Variants in DPP6 observed in about 807,000 individuals in gnomAD.
DPP6 encodes A-type potassium channel modulatory protein DPP6.
A neutral mutation model predicts 122.6 loss-of-function variants in DPP6; 69 were observed. The observed-to-expected ratio is 0.56, with a 90% confidence interval of 0.46 to 0.69. The LOEUF (loss-of-function observed/expected upper bound fraction) is 0.69. DPP6 is among the 30% of genes least tolerant of loss of function. The pLI, the probability that DPP6 is intolerant of heterozygous loss-of-function variation, is 0.00. For missense variants in DPP6, 928 were observed against 1,116.9 expected (o/e 0.83, Z 2.41); for synonymous variants, 418 against 433.1 (o/e 0.97, Z 0.43).
chr7:154,352,355 C>G (rs1391393303), intron 1 of DPP6, among the ~76,000 whole-genome samples: 2 of 151,866 alleles, frequency 1.3e-5, no homozygotes, highest in African/African-American at 4.8e-5. Context: ...CCCAGCTACT[C>G]AGGAGGCTGA....
chr7:154,667,406 C>G lies in DPP6; in HGVS notation c.681-1954C>G, dbSNP rs561963729. Among the ~76,000 whole-genome samples, 231 of 152,256 alleles carry G rather than the reference C, an allele frequency of 1.5e-3. 1 individual carries two copies. Among genetic ancestry groups the G allele is most frequent in the African/African-American group, 5.3e-3 (219 of 41,544 alleles). On this transcript the variant is annotated intron_variant, in intron 6 of 25. Transcript: ENST00000377770. The stretch of plus-strand genomic sequence containing the variant: ...AGGGTTCAAGAGGAATTAACCTATG[C>G]TTATGAGAATACTTTGAAACATCAT...
intron 10 of DPP6, among the ~76,000 whole-genome samples, chr7:154,786,018 T>A (rs1465696228): frequency 6.6e-6 from 1 of 152,122 alleles, no homozygotes; most frequent in Non-Finnish European, 1.5e-5. Context: ...GGACTACTTT[T>A]TCCAACCTCT....
chr7:153,889,465 A>T (rs1799092884), intron 1 of DPP6, among the ~76,000 whole-genome samples: 1 of 152,202 alleles, frequency 6.6e-6, no homozygotes, highest in Non-Finnish European at 1.5e-5. Flanking sequence ...GAGGTTAATT[A>T]TACTGATAAG....
chr7:154,456,211 A>G (rs1256861657), intron 2 of DPP6, among the ~76,000 whole-genome samples: 9 of 152,210 alleles, frequency 5.9e-5, no homozygotes, highest in Non-Finnish European at 5.9e-5. Context: ...AATTCTCTGA[A>G]CTCTTCACCT....
chr7:154,678,808 G>A (rs545396815), intron 7 of DPP6, among the ~76,000 whole-genome samples: 32 of 152,338 alleles, frequency 2.1e-4, no homozygotes, highest in African/African-American at 6.3e-4. Context: ...GCGTGACCTT[G>A]ACTGAGAGAC....
chr7:154,278,363 G>A (rs78207729), intron 1 of DPP6, among the ~76,000 whole-genome samples: 1,988 of 152,236 alleles, frequency 0.013, 52 homozygotes, highest in African/African-American at 0.045. Context: ...ACATGCCCTC[G>A]TGGAAGACTT....
intron 2 of DPP6, among the ~76,000 whole-genome samples, chr7:154,467,053 A>G (rs1356234837): frequency 6.6e-6 from 1 of 152,200 alleles, no homozygotes; most frequent in Non-Finnish European, 1.5e-5. Flanking sequence ...TGACAGTTAT[A>G]GACATTCTTG....
Position 154,698,324 on chromosome 7 carries a change from G to T in DPP6, c.762+28883G>T, listed in dbSNP as rs1020568498. ...TATAATATTCCCTGTTATCACTGATGCTGTGAAGCACCTTTGGGTCTAAGA... is the reference window on the plus strand; with the variant it reads ...TATAATATTCCCTGTTATCACTGATTCTGTGAAGCACCTTTGGGTCTAAGA... On this transcript the variant is annotated intron_variant, in intron 7 of 25. Transcript: ENST00000377770. Among the ~76,000 whole-genome samples the T allele has an allele frequency of 3.9e-5, 6 of 152,150 alleles. No individual in the cohort carries two copies. In the South Asian group the frequency reaches 1.2e-3, roughly 32 times the overall value.
At chr7:154,510,332 A>G (rs542629080) in intron 3 of DPP6, among the ~76,000 whole-genome samples, 38 of 152,320 alleles carry the variant, frequency 2.5e-4, no homozygotes, top group African/African-American at 8.9e-4. Flanking sequence ...AAATGTATAT[A>G]CAAATGGAGC....
At chr7:154,466,578 A>T (rs2151328426) in intron 2 of DPP6, among the ~76,000 whole-genome samples, 1 of 152,296 alleles carries the variant, frequency 6.6e-6, no homozygotes, top group African/African-American at 2.4e-5. Context: ...TTTTAAGTAC[A>T]GTAGTCCTAC....
chr7:153,860,526 C>A, the DPP6 span, among the ~76,000 whole-genome samples: 3 of 152,160 alleles, frequency 2.0e-5, no homozygotes, highest in African/African-American at 7.2e-5. Context: ...CCACCCTTCC[C>A]GGGTTGCAGG....
chr7:154,011,072 C>T (rs1271412154), intron 1 of DPP6, among the ~76,000 whole-genome samples: 1 of 152,056 alleles, frequency 6.6e-6, no homozygotes, highest in Admixed American at 6.6e-5. Context: ...AACATAATAC[C>T]CCTATCCCTC....
At chr7:153,903,652 A>C (rs1267441567) in intron 1 of DPP6, among the ~76,000 whole-genome samples, 1 of 152,146 alleles carries the variant, frequency 6.6e-6, no homozygotes, top group Non-Finnish European at 1.5e-5. Context: ...CTGTTGACTG[A>C]GGTTGCATTA....
At chr7:154,253,106 GGAGT>G (rs2150899726) in intron 1 of DPP6, among the ~76,000 whole-genome samples, 1 of 152,266 alleles carries the variant, frequency 6.6e-6, no homozygotes, top group African/African-American at 2.4e-5. Context: ...AAGGCCAAAG[GGAGT>G]GAGTGACATA....
intron 1 of DPP6, among the ~76,000 whole-genome samples, chr7:153,926,086 C>T (rs1800884945): frequency 6.6e-6 from 1 of 152,154 alleles, no homozygotes; most frequent in South Asian, 2.1e-4. Context: ...ACTCAGAGAT[C>T]TGTTCATTCA....
At chr7:153,988,609 G>A (rs1796965225) in intron 1 of DPP6, among the ~76,000 whole-genome samples, 2 of 152,230 alleles carry the variant, frequency 1.3e-5, no homozygotes, top group African/African-American at 4.8e-5. Context: ...GGCATCGGGG[G>A]ATGCTCCCAC....
At position 154,323,013 on chromosome 7, in the gene DPP6, G is replaced by A. The variant is rs148044262; in HGVS notation, c.244-123201G>A. On this transcript the variant is annotated intron_variant, in intron 1 of 25. Coordinates refer to ENST00000377770, the MANE Select transcript of DPP6 (RefSeq NM_130797.4). The stretch of plus-strand genomic sequence containing the variant: ...AGTCAGACCTTCTGTTTTATAGTGT[G>A]TTCCAGAAGCTGGCCTGGTTGCAGA... 1.7e-4 allele frequency among the ~76,000 whole-genome samples: 26 copies of A among 152,058 alleles called. No homozygotes were observed. The East Asian group carries it at 4.7e-3, about 27-fold the overall frequency.
intron 5 of DPP6, among the ~76,000 whole-genome samples, chr7:154,613,924 C>T (rs562606438): frequency 3.0e-4 from 45 of 152,332 alleles, no homozygotes; most frequent in South Asian, 4.1e-4. Context: ...CCACGCCCTG[C>T]GCCAAGCCTC....
In DPP6 at chr7:154,607,518, C is replaced by T. The variant is rs1242580898; in HGVS notation, c.628-30303C>T. On this transcript the variant is annotated intron_variant, in intron 5 of 25. Transcript: ENST00000377770. Reference sequence around the variant, plus strand: ...CAGAGCTTGCAGTGAGCCGAGATCGCGCCACTGCACTCCAGCCTGGGCGAC... The same window carrying T: ...CAGAGCTTGCAGTGAGCCGAGATCGTGCCACTGCACTCCAGCCTGGGCGAC... Among the ~76,000 whole-genome samples the T allele has an allele frequency of 5.4e-5, 5 of 92,762 alleles. 2 individuals are homozygous for T. Among genetic ancestry groups the T allele is most frequent in the Non-Finnish European group, 9.1e-5 (4 of 43,990 alleles). 60.9% of individuals were successfully genotyped at this position (92,762 alleles called of 152,430 possible). A position where few individuals can be genotyped will look rare whatever the true frequency, so the allele number is the denominator to read the frequency against.
Sources: allele counts gnomAD v4.1 joint callset (sites outside exome capture counted in the v4.1 genomes callset), GRCh38; gene constraint gnomAD v4.1.1; transcripts MANE v1.5; gene names NCBI Gene and HGNC (gene_info 2026-07-23, HGNC 2026-07-21).